The following MAP3K14 variants were observed in gnomAD, a reference collection of about 807,000 sequenced individuals.
MAP3K14 encodes mitogen-activated protein kinase kinase kinase 14, also known as NF-kappa-beta-inducing kinase.
A neutral mutation model predicts 99.2 loss-of-function variants in MAP3K14; 16 were observed. The ratio of observed to expected loss-of-function variants is 0.16; its 90% confidence interval spans 0.11 to 0.24. MAP3K14 has a LOEUF of 0.24. Among genes scored for constraint, MAP3K14 ranks in the 10% least tolerant of loss-of-function variants. The pLI is 1.00. For synonymous variants in MAP3K14, 462 were observed against 492.4 expected, an observed-to-expected ratio of 0.94 and a Z score of 0.82; for missense variants, 784 against 1,208.7, an observed-to-expected ratio of 0.65 and a Z score of 5.21.
rs1047455441 is a variant in MAP3K14, at chr17:45,272,183, C to T, written c.1658-962G>A. On this transcript the variant is annotated intron_variant, in intron 9 of 15. Transcript: ENST00000344686. The surrounding 1 kb of genome is among the most constrained non-coding windows in gnomAD (Gnocchi z 4.1). ...TCTACAAAAAACATAAAAATTGAGC[C>T]GGACATGGTGGTACATGCTGTGGTC... Among the ~76,000 whole-genome samples, 1 of 151,854 alleles carries T rather than the reference C, an allele frequency of 6.6e-6. No individual in the cohort carries two copies. The highest frequency in any genetic ancestry group is 1.5e-5 in the Non-Finnish European group (1 of 67,982).
At chr17:45,312,978 T>A (rs1168244420) in intron 1 of MAP3K14, among the ~76,000 whole-genome samples, 1 of 152,168 alleles carries the variant, frequency 6.6e-6, no homozygotes, top group African/African-American at 2.4e-5. Flanking sequence ...CTTGATCACG[T>A]GTGGGACACA....
At chr17:45,290,115 A>G (rs1598257663) in intron 2 of MAP3K14, among the ~76,000 whole-genome samples, 1 of 152,328 alleles carries the variant, frequency 6.6e-6, no homozygotes, top group African/African-American at 2.4e-5. Context: ...AAGGCCCTAC[A>G]GGCCCCAGTG....
chr17:45,302,595 A>G (rs1266168068), intron 1 of MAP3K14, among the ~76,000 whole-genome samples: 1 of 152,214 alleles, frequency 6.6e-6, no homozygotes. Flanking sequence ...GGCATGAGCC[A>G]CTGTGCCCGG....
At chr17:45,289,905 C>G (rs2044297160) in intron 2 of MAP3K14, among the ~76,000 whole-genome samples, 1 of 152,194 alleles carries the variant, frequency 6.6e-6, no homozygotes, top group South Asian at 2.1e-4. Flanking sequence ...GGACTCCCGG[C>G]CCTACCCAGG....
intron 1 of MAP3K14, among the ~76,000 whole-genome samples, chr17:45,313,295 C>T (rs2044498523): frequency 6.6e-6 from 1 of 152,218 alleles, no homozygotes. Context: ...ACTACTACTA[C>T]TATTACTACC....
rs370000467 is a variant in MAP3K14, at chr17:45,267,663, G to T, written c.2069C>A (p.Pro690Gln). ...ANYHQTLHAQ[P>Q]RELSPRAPGP... ...TGGGGCCCTTGGCGAAAGCTCTCTC[G>T]GCTGGGCATGGAGGGTCTGGTGGTA... Residue 690 changes from proline to glutamine, a missense_variant, in exon 12 of 16, where the codon CCG (proline) becomes CAG (glutamine). Pro to Gln is a moderately conservative substitution (Grantham distance 76). This residue lies in a region of MAP3K14 where 128 missense variants were observed against 143.3 expected (regional missense o/e 0.89). Transcript: ENST00000344686. The surrounding 1 kb of genome is among the most constrained non-coding windows in gnomAD (Gnocchi z 5.1). 1 of 1,613,814 alleles carries T rather than the reference G, an allele frequency of 6.2e-7. No individual in the cohort carries two copies. The highest frequency in any genetic ancestry group is 8.5e-7 in the Non-Finnish European group (1 of 1,179,854).
At chr17:45,274,669 C>T (rs2044165680) in intron 6 of MAP3K14, 76 bp from the exon 7 acceptor site, 1 of 1,533,200 alleles carries the variant, frequency 6.5e-7, no homozygotes. Flanking sequence ...TGTCAGCACC[C>T]TAGTGCTCCA....
In MAP3K14 at chr17:45,290,599, A is replaced by G; in HGVS notation, c.147T>C (p.Pro49=). The change falls in exon 2 of 16, where the codon CCT becomes CCC. Residue 49 remains proline (P), a synonymous_variant. Coordinates refer to ENST00000344686, the MANE Select transcript of MAP3K14 (RefSeq NM_003954.5). ...GGATCTCCCACTTTCCGCAGAACAC[A>G]GGGCTCTTCTCCACGGCCTCAAGCT... ...VYKLEAVEKS[P]VFCGKWEILN... is the part of the protein sequence containing the mutation. 1 of 1,613,720 alleles carries G rather than the reference A, an allele frequency of 6.2e-7. No homozygotes were observed. The highest frequency in any genetic ancestry group is 1.1e-5 in the South Asian group (1 of 91,072).
chr17:45,270,969 G>GC lies in MAP3K14; in HGVS notation c.1821+88dup. 3 of 1,504,540 alleles carry GC rather than the reference G, an allele frequency of 2.0e-6. No individual in the cohort carries two copies. The South Asian group carries it at 3.6e-5, about 18-fold the overall frequency. 93.2% of individuals were successfully genotyped at this position (1,504,540 alleles called of 1,614,324 possible). On this transcript the variant is annotated intron_variant, in intron 10 of 15. Coordinates refer to ENST00000344686, the MANE Select transcript of MAP3K14 (RefSeq NM_003954.5). ...GACCAGGCCTCCCCTTGCTCCATCT[G>GC]CCACCGCAGAGCAGCCCCTCCAGCC...
chr17:45,265,291 G>C, intron 14 of MAP3K14, 28 bp from the exon 15 acceptor site: 1 of 1,485,968 alleles, frequency 6.7e-7, no homozygotes, highest in Non-Finnish European at 9.4e-7. Flanking sequence ...TGATAGTCAG[G>C]AGAGCGGCTG....
At position 45,286,006 on chromosome 17, in the gene MAP3K14, C is replaced by T. The variant is rs367743043; in HGVS notation, c.1152+425G>A. 1.3e-4 allele frequency among the ~76,000 whole-genome samples: 19 copies of T among 150,612 alleles called. No individual in the cohort carries two copies. Among genetic ancestry groups the T allele is most frequent in the African/African-American group, 4.4e-4 (18 of 40,992 alleles). Reference sequence around the variant, plus strand: ...AAAAGTGGATGGATGGAATAAAACCCGGAAATCAAAGTTTGATAAAATCAT... The same window carrying T: ...AAAAGTGGATGGATGGAATAAAACCTGGAAATCAAAGTTTGATAAAATCAT... On this transcript the variant is annotated intron_variant, in intron 5 of 15. Transcript: ENST00000344686. The surrounding 1 kb of genome is among the most constrained non-coding windows in gnomAD (Gnocchi z 4.1).
At position 45,274,936 on chromosome 17, in the gene MAP3K14, G is replaced by A. The variant is rs531608180; in HGVS notation, c.1291-343C>T. 1.1e-4 allele frequency among the ~76,000 whole-genome samples: 17 copies of A among 151,298 alleles called. No individual in the cohort carries two copies. The East Asian group carries it at 1.4e-3, about 12-fold the overall frequency. On this transcript the variant is annotated intron_variant, in intron 6 of 15. Coordinates refer to ENST00000344686, the MANE Select transcript of MAP3K14 (RefSeq NM_003954.5). ...GTGGATCACGAGGTCAGGAGATCGA[G>A]ACCATCCTGGCTAACACAGTGAAAC...
chr17:45,272,699 G>A lies in MAP3K14; in HGVS notation c.1657+804C>T, dbSNP rs2044149904. On this transcript the variant is annotated intron_variant, in intron 9 of 15. Transcript: ENST00000344686. The surrounding 1 kb of genome is among the most constrained non-coding windows in gnomAD (Gnocchi z 4.1). The stretch of plus-strand genomic sequence containing the variant: ...TCATGCCTGTAATTCCAGCACTTTG[G>A]GAGGCTGAGTGGGGCGGATCACCTA... Among the ~76,000 whole-genome samples the A allele has an allele frequency of 6.6e-6, 1 of 152,188 alleles. No individual in the cohort carries two copies. Among genetic ancestry groups the A allele is most frequent in the Admixed American group, 6.5e-5 (1 of 15,280 alleles).
chr17:45,300,434 G>C (rs1254825278), intron 1 of MAP3K14, among the ~76,000 whole-genome samples: 1 of 152,196 alleles, frequency 6.6e-6, no homozygotes, highest in African/African-American at 2.4e-5. Context: ...TCAGCTCTGT[G>C]GTCCATAATC....
intron 1 of MAP3K14, among the ~76,000 whole-genome samples, chr17:45,301,466 G>C (rs1212350032): frequency 7.3e-6 from 1 of 136,288 alleles, no homozygotes; most frequent in Non-Finnish European, 1.6e-5. Context: ...TCCATCTCAA[G>C]AAAAAAAAAA....
chr17:45,301,340 G>C (rs559951435), intron 1 of MAP3K14, among the ~76,000 whole-genome samples: 1 of 152,118 alleles, frequency 6.6e-6, no homozygotes, highest in Admixed American at 6.5e-5. Context: ...GCACATGCCT[G>C]TAATCCCAGC....
intron 1 of MAP3K14, among the ~76,000 whole-genome samples, chr17:45,302,467 C>T (rs1020296983): frequency 1.3e-5 from 2 of 151,998 alleles, no homozygotes. Context: ...GCCACCACAC[C>T]CGGCTAATTT....
At chr17:45,281,331 C>T (rs981168417) in intron 6 of MAP3K14, among the ~76,000 whole-genome samples, 1 of 150,710 alleles carries the variant, frequency 6.6e-6, no homozygotes, top group Non-Finnish European at 1.5e-5. Context: ...AGTGCCGCAC[C>T]GCCTGATCTT....
intron 8 of MAP3K14, 117 bp from the exon 9 acceptor site, chr17:45,273,724 C>T (rs967222363): frequency 1.3e-5 from 10 of 763,660 alleles, no homozygotes; most frequent in Non-Finnish European, 1.9e-5. Context: ...CCCTACGTGG[C>T]AGCTGCTGCT....
Sources: allele counts gnomAD v4.1 joint callset (sites outside exome capture counted in the v4.1 genomes callset), GRCh38; gene constraint gnomAD v4.1.1; regional missense constraint gnomAD v4.1.1; non-coding constraint Gnocchi (gnomAD v3.1); transcripts MANE v1.5; gene names NCBI Gene and HGNC (gene_info 2026-07-23, HGNC 2026-07-21).